The following CACNA1H variants were observed in gnomAD, a reference collection of about 807,000 sequenced individuals.
CACNA1H encodes calcium voltage-gated channel subunit alpha1 H, also known as voltage-dependent T-type calcium channel subunit alpha-1H.
In CACNA1H, 149 loss-of-function variants were observed where a neutral mutation model predicts 192.5. That is an observed-to-expected ratio of 0.77 (90% CI 0.68 to 0.89). The LOEUF (loss-of-function observed/expected upper bound fraction) is 0.89. Among genes scored for constraint, CACNA1H ranks in the 40% least tolerant of loss-of-function variants. The pLI is 0.00. For missense variants in CACNA1H, 4,257 were observed against 3,423.5 expected (o/e 1.24, Z -6.08); for synonymous variants, 2,202 against 1,475.2 (o/e 1.49, Z -11.29).
intron 2 of CACNA1H, among the ~76,000 whole-genome samples, chr16:1,176,848 C>A (rs1964938837): frequency 6.6e-6 from 1 of 152,180 alleles, no homozygotes; most frequent in African/African-American, 2.4e-5. Flanking sequence ...CTCTTCACCC[C>A]AGGGGACGGG....
chr16:1,206,507 C>T, intron 12 of CACNA1H: 1 of 568,824 alleles, frequency 1.8e-6, no homozygotes, highest in Non-Finnish European at 3.1e-6. Context: ...TGGCAGGGGT[C>T]AGAGATGGGC....
chr16:1,212,637 C>A, intron 26 of CACNA1H, 109 bp downstream of exon 26: 1 of 1,354,410 alleles, frequency 7.4e-7, no homozygotes, highest in Admixed American at 2.0e-5. Context: ...GCACAGGCAG[C>A]CGGAGGTGCT....
At chr16:1,184,149 C>T (rs1447950165) in intron 2 of CACNA1H, among the ~76,000 whole-genome samples, 1 of 152,250 alleles carries the variant, frequency 6.6e-6, no homozygotes, top group Non-Finnish European at 1.5e-5. Context: ...ATCACTCCTG[C>T]CCACAGGGGG....
intron 2 of CACNA1H, among the ~76,000 whole-genome samples, chr16:1,183,600 G>A (rs111940936): frequency 3.3e-4 from 51 of 152,380 alleles, no homozygotes; most frequent in African/African-American, 9.9e-4. Flanking sequence ...CAGGACACGT[G>A]CCTGTCGTGG....
At chr16:1,210,296 C>A in intron 18 of CACNA1H, 74 bp from the exon 19 acceptor site, 2 of 1,359,412 alleles carry the variant, frequency 1.5e-6, no homozygotes, top group Non-Finnish European at 2.0e-6. Flanking sequence ...GTGGCCAGGG[C>A]TGTCCTGCAA....
intron 2 of CACNA1H, among the ~76,000 whole-genome samples, chr16:1,160,639 C>T (rs557653529): frequency 1.4e-4 from 21 of 152,152 alleles, no homozygotes; most frequent in Non-Finnish European, 5.9e-5. Context: ...ACACTCCTCG[C>T]GGGGCGGAGG....
chr16:1,160,665 G>A (rs1468748801), intron 2 of CACNA1H, among the ~76,000 whole-genome samples: 4 of 152,226 alleles, frequency 2.6e-5, no homozygotes, highest in African/African-American at 4.8e-5. Context: ...CCGGGCTGAC[G>A]GGAGAAGCGG....
intron 5 of CACNA1H, 64 bp from the exon 6 acceptor site, chr16:1,198,551 G>A (rs1472263835): frequency 1.3e-6 from 2 of 1,574,746 alleles, no homozygotes; most frequent in East Asian, 2.2e-5. Flanking sequence ...CCCGGGAGGG[G>A]CTGCAGCCCC....
rs769011168 is a variant in CACNA1H at position 1,220,760 on chromosome 16, C to T, written c.6828C>T (p.Pro2276=). ...FAFEPLDLGV[P]SGDPFLDGSH... ...TTGAGCCGCTGGACCTCGGGGTCCC[C>T]AGTGGAGACCCTTTCTTGGACGGTA... Residue 2276 remains proline, a synonymous_variant, in exon 35 of 35, where the codon CCC becomes CCT. Coordinates refer to ENST00000348261, the MANE Select transcript of CACNA1H (RefSeq NM_021098.3). The T allele has an allele frequency of 5.6e-6, 9 of 1,612,602 alleles. No individual in the cohort carries two copies. The highest frequency in any genetic ancestry group is 2.2e-5 in the East Asian group (1 of 44,838).
At position 1,177,145 on chromosome 16, in the gene CACNA1H, C is replaced by T. The variant is rs986152661; in HGVS notation, c.300-17827C>T. Among the ~76,000 whole-genome samples the T allele has an allele frequency of 5.3e-5, 8 of 152,206 alleles. 1 individual carries two copies. Among genetic ancestry groups the T allele is most frequent in the Non-Finnish European group, 8.8e-5 (6 of 68,036 alleles). On this transcript the variant is annotated intron_variant, in intron 2 of 34. Coordinates refer to ENST00000348261, the MANE Select transcript of CACNA1H (RefSeq NM_021098.3). ...TCCTGGGCGGCCCTTTTTGTCATTCCACTGACATTTACAAAGGACATCTCG... is the reference window on the plus strand; with the variant it reads ...TCCTGGGCGGCCCTTTTTGTCATTCTACTGACATTTACAAAGGACATCTCG...
In CACNA1H at chr16:1,205,058, TGAGGGGTGGGAGCCGCGGGTGCGGC is replaced by T. The variant is rs1968513842; in HGVS notation, c.2452-55_2452-31del. 5.0e-5 allele frequency: 49 copies of T among 977,968 alleles called. 1 individual carries two copies. Among genetic ancestry groups the T allele is most frequent in the Admixed American group, 9.8e-5 (3 of 30,700 alleles). 60.6% of individuals were successfully genotyped at this position (977,968 alleles called of 1,614,324 possible). Reference sequence around the variant, plus strand: ...GGTGGGGGCCCCAGATCAGTGCCGGTGAGGGGTGGGAGCCGCGGGTGCGGCCTCCTGAACTGTCCCCACCTCTGCC... The same window carrying T: ...GGTGGGGGCCCCAGATCAGTGCCGGTCTCCTGAACTGTCCCCACCTCTGCC... On this transcript the variant is annotated intron_variant, in intron 10 of 34. Transcript: ENST00000348261.
chr16:1,221,032 G>A lies in CACNA1H; in HGVS notation c.*38G>A, dbSNP rs772014178. ...TGCCGCCCACGGCTTTGGCCCTGGG[G>A]TCTGGGGGCCCCGCTGGGGTGGAGG... On this transcript the variant is annotated 3_prime_UTR_variant, in exon 35 of 35. Transcript: ENST00000348261. The A allele has an allele frequency of 6.0e-5, 90 of 1,493,424 alleles. No homozygotes were observed. Among genetic ancestry groups the A allele is most frequent in the Middle Eastern group, 2.1e-4 (1 of 4,654 alleles). 92.5% of individuals were successfully genotyped at this position (1,493,424 alleles called of 1,614,324 possible).
rs542496956 is a variant in CACNA1H at position 1,154,109 on chromosome 16, C to T, written c.299+73C>T. 5.7e-6 allele frequency: 6 copies of T among 1,052,672 alleles called. No individual in the cohort carries two copies. The Admixed American group carries it at 1.4e-4, about 24-fold the overall frequency. The allele number at this position is 1,052,672 out of a possible 1,614,324, so 65.2% of individuals were successfully genotyped here. On this transcript the variant is annotated intron_variant, in intron 2 of 34. Coordinates refer to ENST00000348261, the MANE Select transcript of CACNA1H (RefSeq NM_021098.3). ...GGTGGGGGCCCGGGGCGCGGGACTC[C>T]CTCGGCATGCGCCCCCGCGCGCCCC...
Position 1,220,811 on chromosome 16 carries a change from A to G in CACNA1H, c.6879A>G (p.Arg2293=), listed in dbSNP as rs769118902. 1 of 1,612,638 alleles carries G rather than the reference A, an allele frequency of 6.2e-7. No individual in the cohort carries two copies. Among genetic ancestry groups the G allele is most frequent in the Admixed American group, 1.7e-5 (1 of 60,016 alleles). Reference sequence around the variant, plus strand: ...GCCACAGTGTGACCCCAGAATCCAGAGCTTCCTCTTCAGGGGCCATAGTGC... The same window carrying G: ...GCCACAGTGTGACCCCAGAATCCAGGGCTTCCTCTTCAGGGGCCATAGTGC... ...DGSHSVTPES[R]ASSSGAIVPL... The change falls in exon 35 of 35, where the codon AGA becomes AGG. Residue 2293 remains arginine, a synonymous_variant. Coordinates refer to ENST00000348261, the MANE Select transcript of CACNA1H (RefSeq NM_021098.3).
intron 6 of CACNA1H, 75 bp downstream of exon 6, chr16:1,198,849 T>G: frequency 7.1e-7 from 1 of 1,415,214 alleles, no homozygotes; most frequent in Non-Finnish European, 9.6e-7. Flanking sequence ...ACCATGTGGC[T>G]CCACCGCCCC....
chr16:1,212,555 G>T, intron 26 of CACNA1H, 27 bp downstream of exon 26: 1 of 1,606,544 alleles, frequency 6.2e-7, no homozygotes, highest in Non-Finnish European at 8.5e-7. Flanking sequence ...GCATGCCTCA[G>T]GCCCCGCTTC....
At chr16:1,195,131 G>T (rs1470559697) in intron 3 of CACNA1H, 48 bp downstream of exon 3, 1 of 634,480 alleles carries the variant, frequency 1.6e-6, no homozygotes, top group African/African-American at 2.1e-5. Context: ...TCGCTACGAG[G>T]TTTATGGTTC....
At chr16:1,183,857 C>G (rs1204828583) in intron 2 of CACNA1H, among the ~76,000 whole-genome samples, 1 of 152,274 alleles carries the variant, frequency 6.6e-6, no homozygotes, top group Non-Finnish European at 1.5e-5. Context: ...CTGCAAACAT[C>G]TGGCTCCAGA....
chr16:1,190,335 G>A (rs185780240), intron 2 of CACNA1H, among the ~76,000 whole-genome samples: 84 of 152,360 alleles, frequency 5.5e-4, no homozygotes, highest in African/African-American at 2.0e-3. Flanking sequence ...GTATGATTAA[G>A]CCTCCAGAAG....
Sources: gnomAD v4.1 joint callset for allele counts (sites outside exome capture counted in the v4.1 genomes callset) on GRCh38, gnomAD v4.1.1 for gene constraint, MANE v1.5 for transcripts, NCBI Gene and HGNC (gene_info 2026-07-23, HGNC 2026-07-21) for gene names.